Variants in VSTM1 observed in about 807,000 individuals in gnomAD.
VSTM1 encodes the protein V-set and transmembrane domain-containing protein 1.
In VSTM1, 27 loss-of-function variants were observed where a neutral mutation model predicts 33.1. That is an observed-to-expected ratio of 0.82 (90% CI 0.60 to 1.12). VSTM1 has a LOEUF of 1.12. VSTM1 is among the 50% of genes most tolerant of loss of function. The pLI is 0.00. For synonymous variants in VSTM1, 115 were observed against 110.3 expected (o/e 1.04, Z -0.27); for missense variants, 304 against 288.9 (o/e 1.05, Z -0.38).
chr19:54,058,008 A>G (rs550968508), intron 3 of VSTM1, among the ~76,000 whole-genome samples: 1 of 152,142 alleles, frequency 6.6e-6, no homozygotes, highest in Non-Finnish European at 1.5e-5. Context: ...TGGGAGGCGG[A>G]GGCAGGTGGA....
chr19:54,043,356 T>G (rs2070414078), intron 4 of VSTM1, among the ~76,000 whole-genome samples: 1 of 152,042 alleles, frequency 6.6e-6, no homozygotes, highest in Admixed American at 6.6e-5. Context: ...CACAATCACG[T>G]GAACCAATCC....
chr19:54,050,157 C>T (rs373470052), intron 4 of VSTM1, among the ~76,000 whole-genome samples: 28 of 151,754 alleles, frequency 1.8e-4, no homozygotes, highest in African/African-American at 6.3e-4. Flanking sequence ...CACCACAATG[C>T]CCAGCAAATT....
At chr19:54,059,065 T>C (rs1373499916) in intron 1 of VSTM1, among the ~76,000 whole-genome samples, 2 of 146,832 alleles carry the variant, frequency 1.4e-5, no homozygotes, top group Non-Finnish European at 3.0e-5. Context: ...CTTTCTTTTT[T>C]TTTTTTTTTT....
chr19:54,062,623 C>T (rs777407484), intron 1 of VSTM1, among the ~76,000 whole-genome samples: 2 of 150,626 alleles, frequency 1.3e-5, no homozygotes, highest in Non-Finnish European at 2.9e-5. Flanking sequence ...TCTCGGGAGG[C>T]GGAGGCAGGA....
intron 4 of VSTM1, among the ~76,000 whole-genome samples, chr19:54,044,608 A>C (rs192055510): frequency 2.6e-5 from 4 of 152,278 alleles, no homozygotes; most frequent in East Asian, 3.9e-4. Context: ...AAAAACAAAA[A>C]CAAAACAAAA....
intron 4 of VSTM1, among the ~76,000 whole-genome samples, chr19:54,045,061 C>T (rs761617780): frequency 3.3e-5 from 5 of 152,164 alleles, no homozygotes; most frequent in African/African-American, 7.2e-5. Context: ...TCTGTGGTCA[C>T]ATTACAGAGC....
At chr19:54,058,208 C>G (rs1283075450) in intron 3 of VSTM1, 98 bp downstream of exon 3, 1 of 1,352,230 alleles carries the variant, frequency 7.4e-7, no homozygotes, top group Non-Finnish European at 1.0e-6. Context: ...CCACTGCACT[C>G]CAGCCTGGGA....
intron 4 of VSTM1, among the ~76,000 whole-genome samples, chr19:54,048,202 A>G (rs1275190163): frequency 6.6e-6 from 1 of 152,078 alleles, no homozygotes; most frequent in Non-Finnish European, 1.5e-5. Flanking sequence ...TGAAGCCTCA[A>G]CCTCCTGGGC....
In VSTM1 at chr19:54,052,408, T is replaced by A. The variant is rs903672717; in HGVS notation, c.356-960A>T. Among the ~76,000 whole-genome samples, 21 of 136,792 alleles carry A rather than the reference T, an allele frequency of 1.5e-4. 1 individual carries two copies. The highest frequency in any genetic ancestry group is 1.0e-3 in the East Asian group (5 of 4,830). The allele number at this position is 136,792 out of a possible 152,430, so 89.7% of individuals were successfully genotyped here. A position where few individuals can be genotyped will look rare whatever the true frequency, so the allele number is the denominator to read the frequency against. On this transcript the variant is annotated intron_variant, in intron 3 of 8. Coordinates refer to ENST00000338372, the MANE Select transcript of VSTM1 (RefSeq NM_198481.4). The stretch of plus-strand genomic sequence containing the variant: ...GCCAGACTCCGTCTCAAAAAAAAAA[T>A]AAAAATAAAAATAAAAATGAAATGA...
chr19:54,054,487 T>A (rs936100551), intron 3 of VSTM1, among the ~76,000 whole-genome samples: 6 of 142,648 alleles, frequency 4.2e-5, no homozygotes, highest in Non-Finnish European at 7.7e-5. Context: ...GGCTAAGTCA[T>A]TGGTGTGGAC....
chr19:54,057,445 G>A (rs1439816764), intron 3 of VSTM1, among the ~76,000 whole-genome samples: 1 of 151,316 alleles, frequency 6.6e-6, no homozygotes, highest in Non-Finnish European at 1.5e-5. Context: ...AGCCTGGGAG[G>A]TCGAGGCTGC....
intron 3 of VSTM1, among the ~76,000 whole-genome samples, chr19:54,057,548 T>C (rs1418801292): frequency 6.8e-6 from 1 of 147,856 alleles, no homozygotes; most frequent in Non-Finnish European, 1.5e-5. Context: ...AGTGGCTCAC[T>C]CCTGTAATCT....
At chr19:54,041,737 G>A in intron 8 of VSTM1, 42 bp downstream of exon 8, 1 of 1,602,658 alleles carries the variant, frequency 6.2e-7, no homozygotes, top group Non-Finnish European at 8.5e-7. Flanking sequence ...AGCCCATTGT[G>A]GTGAGGGAGC....
At chr19:54,048,127 A>G (rs2070683794) in intron 4 of VSTM1, among the ~76,000 whole-genome samples, 1 of 151,692 alleles carries the variant, frequency 6.6e-6, no homozygotes. Context: ...TATTTTATTT[A>G]TTTACTGAAA....
At chr19:54,045,455 GTATC>G (rs1268923713) in intron 4 of VSTM1, among the ~76,000 whole-genome samples, 17 of 151,918 alleles carry the variant, frequency 1.1e-4, no homozygotes, top group African/African-American at 4.1e-4. Flanking sequence ...AGGCATCTAT[GTATC>G]TATCTTTATC....
At chr19:54,042,423 T>G in intron 4 of VSTM1, 54 bp from the exon 5 acceptor site, 1 of 1,575,692 alleles carries the variant, frequency 6.3e-7, no homozygotes, top group African/African-American at 1.4e-5. Context: ...AATCCACTGA[T>G]AGGGGCGAGC....
chr19:54,044,829 C>T (rs1054026475), intron 4 of VSTM1, among the ~76,000 whole-genome samples: 2 of 152,140 alleles, frequency 1.3e-5, no homozygotes, highest in African/African-American at 4.8e-5. Context: ...TAAAGCTAGG[C>T]GACAGAGTCC....
chr19:54,049,010 G>A (rs1233778117), intron 4 of VSTM1, among the ~76,000 whole-genome samples: 3 of 152,140 alleles, frequency 2.0e-5, no homozygotes, highest in African/African-American at 4.8e-5. Context: ...CTTAAACCTG[G>A]GAGGCGGAGG....
At chr19:54,056,214 C>CTTTTCTTTTTTTTT (rs2071087721) in intron 3 of VSTM1, among the ~76,000 whole-genome samples, 1 of 39,182 alleles carries the variant, frequency 2.6e-5, no homozygotes, top group African/African-American at 9.7e-5. Flanking sequence ...CTTTTCTTTT[C>CTTTTCTTTTTTTTT]TTTTTTTTTT....
Sources: gnomAD v4.1 joint callset for allele counts (sites outside exome capture counted in the v4.1 genomes callset) on GRCh38, gnomAD v4.1.1 for gene constraint, MANE v1.5 for transcripts, NCBI Gene and HGNC (gene_info 2026-07-23, HGNC 2026-07-21) for gene names.